Variants in LOXL2 observed in about 807,000 individuals in gnomAD.
LOXL2 encodes the protein lysyl oxidase like 2.
LOXL2 carries 70 observed loss-of-function variants against 93.0 expected under a neutral mutation model. The ratio of observed to expected loss-of-function variants is 0.75; its 90% CI spans 0.62 to 0.92. The LOEUF is 0.92. LOXL2 is among the 40% of genes least tolerant of loss of function. The pLI, the probability that LOXL2 is intolerant of heterozygous loss-of-function variation, is 0.00. For synonymous variants in LOXL2, 438 were observed against 413.2 expected, an observed-to-expected ratio of 1.06 and a Z score of -0.73; for missense variants, 973 against 1,054.9, an observed-to-expected ratio of 0.92 and a Z score of 1.08.
At chr8:23,391,362 G>T (rs1009744830) in intron 1 of LOXL2, among the ~76,000 whole-genome samples, 3 of 152,168 alleles carry the variant, frequency 2.0e-5, no homozygotes, top group Admixed American at 6.5e-5. Context: ...AAATGGGGAA[G>T]AGTTTTAGGT....
chr8:23,327,398 C>T (rs1414377261), intron 6 of LOXL2, among the ~76,000 whole-genome samples: 1 of 152,174 alleles, frequency 6.6e-6, no homozygotes, highest in Non-Finnish European at 1.5e-5. Context: ...GACCTCACCA[C>T]ATTCCTTTCT....
chr8:23,381,421 G>A lies in LOXL2; in HGVS notation c.-83-12987C>T, dbSNP rs541740071. Among the ~76,000 whole-genome samples the A allele has an allele frequency of 2.6e-5, 4 of 152,238 alleles. 1 individual carries two copies. The South Asian group carries it at 6.2e-4, about 24-fold the overall frequency. On this transcript the variant is annotated intron_variant, in intron 1 of 13. Coordinates refer to ENST00000389131, the MANE Select transcript of LOXL2 (RefSeq NM_002318.3). The stretch of plus-strand genomic sequence containing the variant: ...ATGAACCACCTTCCAGAAAGACTGT[G>A]CCAATTGAAACCTCCACCAGCAGTA...
chr8:23,301,391 G>A (rs994863870), intron 12 of LOXL2, among the ~76,000 whole-genome samples: 21 of 152,186 alleles, frequency 1.4e-4, no homozygotes, highest in African/African-American at 5.1e-4. Context: ...CCTCCTCAGG[G>A]CTGGCCTTCC....
intron 3 of LOXL2, among the ~76,000 whole-genome samples, chr8:23,352,812 G>A (rs956462105): frequency 5.9e-5 from 9 of 151,920 alleles, no homozygotes; most frequent in African/African-American, 1.7e-4. Context: ...TGTCCTCATC[G>A]TCCCTCTGTT....
At chr8:23,348,076 G>A (rs186308592) in intron 3 of LOXL2, among the ~76,000 whole-genome samples, 51 of 152,176 alleles carry the variant, frequency 3.4e-4, no homozygotes, top group African/African-American at 1.2e-3. Context: ...CTGTGCAGCC[G>A]TAAAAAAGGA....
chr8:23,333,486 C>G lies in LOXL2; in HGVS notation c.881G>C (p.Gly294Ala). ...CACACAACTCACCACGGCCGGTAGC[C>G]CATTCTCGCAGGTGACATTCTTCAT... ...DPMKNVTCEN[G>A]LPAVVSCVPG... The change falls in exon 5 of 14, where the codon GGG (glycine) becomes GCG (alanine). Residue 294 changes from glycine (G) to alanine (A), a missense_variant. Physicochemically the swap from Gly to Ala is moderately conservative, Grantham distance 60. Transcript: ENST00000389131. The G allele has an allele frequency of 6.2e-7, 1 of 1,614,020 alleles. No homozygotes were observed. Among genetic ancestry groups the G allele is most frequent in the Non-Finnish European group, 8.5e-7 (1 of 1,180,042 alleles).
intron 5 of LOXL2, chr8:23,328,924 C>T (rs1403753305): frequency 3.4e-5 from 7 of 208,902 alleles, no homozygotes; most frequent in Non-Finnish European, 4.8e-5. Context: ...GCACGTCCCC[C>T]ACCAACTCCA....
intron 12 of LOXL2, among the ~76,000 whole-genome samples, chr8:23,300,769 G>A (rs909661782): frequency 6.6e-6 from 1 of 152,194 alleles, no homozygotes; most frequent in Admixed American, 6.5e-5. Context: ...CATTCCCCAG[G>A]CTTAGGCAAT....
chr8:23,318,510 G>A (rs1803442406), intron 8 of LOXL2, among the ~76,000 whole-genome samples: 1 of 151,520 alleles, frequency 6.6e-6, no homozygotes, highest in African/African-American at 2.4e-5. Context: ...TAGAGAACTT[G>A]ACCAATACCC....
intron 8 of LOXL2, among the ~76,000 whole-genome samples, chr8:23,318,424 A>AACACACACACACACAC (rs1563188725): frequency 1.7e-5 from 1 of 60,402 alleles, no homozygotes; most frequent in African/African-American, 5.3e-5. Flanking sequence ...ATTGGTTGAT[A>AACACACACACACACAC]GCACACACAC....
chr8:23,366,981 G>A (rs1006299299), intron 2 of LOXL2, among the ~76,000 whole-genome samples: 2 of 152,180 alleles, frequency 1.3e-5, no homozygotes, highest in Non-Finnish European at 2.9e-5. Flanking sequence ...TACAGACTGA[G>A]CTCTAGGTTC....
intron 10 of LOXL2, among the ~76,000 whole-genome samples, chr8:23,308,120 T>C (rs1334505281): frequency 6.6e-6 from 1 of 152,164 alleles, no homozygotes; most frequent in Non-Finnish European, 1.5e-5. Context: ...CTCTGTGTCC[T>C]TTTCTAGGAG....
chr8:23,387,323 G>A (rs1804779927), intron 1 of LOXL2, among the ~76,000 whole-genome samples: 2 of 152,202 alleles, frequency 1.3e-5, no homozygotes, highest in Non-Finnish European at 2.9e-5. Context: ...ATCAGAGAGA[G>A]ATCAGGAAAG....
chr8:23,302,661 A>C (rs1428938973), intron 11 of LOXL2, among the ~76,000 whole-genome samples: 1 of 152,206 alleles, frequency 6.6e-6, no homozygotes, highest in East Asian at 1.9e-4. Context: ...TCAATGAATA[A>C]CAAATTAAAC....
chr8:23,349,628 T>C (rs1166441189), intron 3 of LOXL2, among the ~76,000 whole-genome samples: 6 of 151,994 alleles, frequency 3.9e-5, no homozygotes, highest in East Asian at 3.9e-4. Context: ...TGGTGACTCA[T>C]TGAGTTCTTG....
At chr8:23,339,049 T>G (rs890972330) in intron 4 of LOXL2, among the ~76,000 whole-genome samples, 1 of 152,166 alleles carries the variant, frequency 6.6e-6, no homozygotes, top group African/African-American at 2.4e-5. Flanking sequence ...TATCATTCCC[T>G]AGGAGTCCTA....
At chr8:23,309,177 G>A (rs969614981) in intron 10 of LOXL2, among the ~76,000 whole-genome samples, 10 of 151,960 alleles carry the variant, frequency 6.6e-5, no homozygotes, top group Non-Finnish European at 1.5e-4. Flanking sequence ...TAGAGACGGG[G>A]TTTCACCGTG....
chr8:23,373,829 C>T (rs948113314), intron 1 of LOXL2, among the ~76,000 whole-genome samples: 1 of 152,058 alleles, frequency 6.6e-6, no homozygotes, highest in Admixed American at 6.6e-5. Flanking sequence ...TCTACTACCC[C>T]CAGCCTGGCA....
At chr8:23,319,861 G>T (rs776439449) in intron 8 of LOXL2, 24 bp downstream of exon 8, 1 of 1,609,466 alleles carries the variant, frequency 6.2e-7, no homozygotes. Context: ...GGTGAATGCG[G>T]GGTCTGAGGC....
Sources: allele counts gnomAD v4.1 joint callset (sites outside exome capture counted in the v4.1 genomes callset), GRCh38; gene constraint gnomAD v4.1.1; transcripts MANE v1.5; gene names NCBI Gene and HGNC (gene_info 2026-07-23, HGNC 2026-07-21).